AFF3: variants seen among roughly 807,000 people sequenced by gnomAD.
AFF3 encodes ALF transcription elongation factor 3.
A neutral mutation model predicts 129.7 loss-of-function variants in AFF3; 32 were observed. That is an observed-to-expected ratio of 0.25 (90% confidence interval 0.19 to 0.33). AFF3 has a LOEUF of 0.33. AFF3 is among the 10% of genes least tolerant of loss of function. The probability of loss-of-function intolerance (pLI) is 1.00; values close to 1 mark genes in which losing one functional copy is unlikely to be tolerated. For synonymous variants in AFF3, 644 were observed against 635.4 expected (o/e 1.01, Z -0.20); for missense variants, 1,373 against 1,592.0 (o/e 0.86, Z 2.34).
intron 4 of AFF3, among the ~76,000 whole-genome samples, chr2:100,055,737 G>A (rs1392516178): frequency 1.3e-5 from 2 of 152,134 alleles, no homozygotes; most frequent in Non-Finnish European, 2.9e-5. Flanking sequence ...ACTGTAGCAC[G>A]AAAGCAGCCT....
At chr2:100,024,037 C>A (rs1022759403) in intron 4 of AFF3, among the ~76,000 whole-genome samples, 1 of 146,802 alleles carries the variant, frequency 6.8e-6, no homozygotes, top group Non-Finnish European at 1.5e-5. Context: ...TTGAGACCAT[C>A]CTGGCTAACA....
At chr2:99,755,709 C>T (rs1039087496) in intron 8 of AFF3, among the ~76,000 whole-genome samples, 4 of 152,222 alleles carry the variant, frequency 2.6e-5, no homozygotes, top group African/African-American at 9.7e-5. Flanking sequence ...TAACTCTGAT[C>T]TTTGGACTTC....
chr2:100,063,991 A>G (rs552666548), intron 4 of AFF3, among the ~76,000 whole-genome samples: 4 of 152,212 alleles, frequency 2.6e-5, no homozygotes, highest in Non-Finnish European at 4.4e-5. Context: ...CGGGAGGCTG[A>G]GGCAGAAGAA....
At chr2:99,601,399 TGG>T (rs1189137396) in intron 14 of AFF3, 34 bp downstream of exon 14, 1 of 1,538,902 alleles carries the variant, frequency 6.5e-7, no homozygotes, top group Admixed American at 1.9e-5. Context: ...GAGACAGAAG[TGG>T]GCAGAGGAGA....
chr2:99,987,702 T>G (rs550491541), intron 7 of AFF3, among the ~76,000 whole-genome samples: 1 of 152,358 alleles, frequency 6.6e-6, no homozygotes, highest in South Asian at 2.1e-4. Flanking sequence ...ACCTATCATC[T>G]GCTACCCCAA....
chr2:99,990,193 T>C (rs1438670574), intron 7 of AFF3, among the ~76,000 whole-genome samples: 1 of 151,936 alleles, frequency 6.6e-6, no homozygotes, highest in African/African-American at 2.4e-5. Context: ...TTCGAGGAGG[T>C]TTCCGTTGGC....
chr2:99,760,439 T>C (rs1017232066), intron 8 of AFF3, among the ~76,000 whole-genome samples: 1 of 152,228 alleles, frequency 6.6e-6, no homozygotes, highest in African/African-American at 2.4e-5. Flanking sequence ...GATAAAAATG[T>C]ATTTCATTTG....
At chr2:99,769,779 A>G (rs1309465072) in intron 8 of AFF3, among the ~76,000 whole-genome samples, 1 of 152,248 alleles carries the variant, frequency 6.6e-6, no homozygotes, top group East Asian at 1.9e-4. Flanking sequence ...GGATAAGATC[A>G]GGAAGAATTC....
intron 4 of AFF3, among the ~76,000 whole-genome samples, chr2:100,029,477 T>C (rs565477733): frequency 5.8e-4 from 89 of 152,254 alleles, no homozygotes; most frequent in Admixed American, 1.0e-3. Context: ...GTCGGTGGCA[T>C]TTTGTGAGGG....
chr2:99,973,083 A>G (rs1474822798), intron 7 of AFF3, among the ~76,000 whole-genome samples: 1 of 152,144 alleles, frequency 6.6e-6, no homozygotes, highest in Non-Finnish European at 1.5e-5. Flanking sequence ...AACACATGAT[A>G]CCTGTAATTG....
intron 7 of AFF3, among the ~76,000 whole-genome samples, chr2:99,990,870 T>C (rs1680276699): frequency 6.6e-6 from 1 of 152,132 alleles, no homozygotes; most frequent in Admixed American, 6.5e-5. Flanking sequence ...TATTTATTGT[T>C]ACTGTCAACC....
intron 8 of AFF3, among the ~76,000 whole-genome samples, chr2:99,775,487 T>C (rs1014155902): frequency 6.6e-6 from 1 of 152,074 alleles, no homozygotes; most frequent in Non-Finnish European, 1.5e-5. Context: ...TTCTCACTTA[T>C]AAGTGGGAGC....
At chr2:99,982,336 G>A (rs543882243) in intron 7 of AFF3, among the ~76,000 whole-genome samples, 1 of 152,292 alleles carries the variant, frequency 6.6e-6, no homozygotes, top group Admixed American at 6.5e-5. Context: ...CCCTGCACAA[G>A]CTCTCTCTTT....
At chr2:100,022,573 G>A (rs1249439567) in intron 4 of AFF3, among the ~76,000 whole-genome samples, 1 of 152,048 alleles carries the variant, frequency 6.6e-6, no homozygotes, top group African/African-American at 2.4e-5. Context: ...ACCATGCCTG[G>A]CCAATTTTTT....
intron 8 of AFF3, among the ~76,000 whole-genome samples, chr2:99,815,787 G>A (rs1281536034): frequency 2.7e-5 from 4 of 150,762 alleles, no homozygotes; most frequent in Admixed American, 6.6e-5. Flanking sequence ...CAAGAAGTCC[G>A]CTGTACTACT....
chr2:99,952,108 C>T (rs550821679), intron 7 of AFF3, among the ~76,000 whole-genome samples: 2 of 152,284 alleles, frequency 1.3e-5, no homozygotes, highest in South Asian at 2.1e-4. Context: ...AGTCTCACGT[C>T]GAATTATAAT....
At chr2:99,558,074 A>G (rs899491554) in intron 22 of AFF3, among the ~76,000 whole-genome samples, 3 of 152,196 alleles carry the variant, frequency 2.0e-5, no homozygotes, top group Admixed American at 2.0e-4. Context: ...ATGGTTTGCA[A>G]TTTTATCCCT....
intron 16 of AFF3, among the ~76,000 whole-genome samples, chr2:99,585,795 C>T (rs888375066): frequency 3.3e-5 from 5 of 152,192 alleles, no homozygotes; most frequent in African/African-American, 1.2e-4. Context: ...ATGGCACAAT[C>T]TCGGCTCCCT....
chr2:99,638,577 T>A (rs1048520439), intron 13 of AFF3, among the ~76,000 whole-genome samples: 11 of 151,966 alleles, frequency 7.2e-5, no homozygotes, highest in Non-Finnish European at 1.6e-4. Context: ...CCACAGAGGA[T>A]CTAAGTAACT....
Sources: gnomAD v4.1 joint callset for allele counts (sites outside exome capture counted in the v4.1 genomes callset) on GRCh38, gnomAD v4.1.1 for gene constraint, MANE v1.5 for transcripts, NCBI Gene and HGNC (gene_info 2026-07-23, HGNC 2026-07-21) for gene names.